ADGRF3: variants seen among roughly 807,000 people sequenced by gnomAD.
The protein encoded by ADGRF3 is G protein-coupled receptor 113.
Under a neutral mutation model 93.2 loss-of-function variants are expected in ADGRF3, and 85 were observed. The ratio of observed to expected loss-of-function variants is 0.91; its 90% CI spans 0.77 to 1.09. The LOEUF (loss-of-function observed/expected upper bound fraction) is 1.09, where lower values mean the gene tolerates loss of function less well. ADGRF3 is among the 50% of genes least tolerant of loss of function. ADGRF3 has a pLI of 0.00. For synonymous variants in ADGRF3, 534 were observed against 532.5 expected (o/e 1.00, Z -0.04); for missense variants, 1,125 against 1,246.2 (o/e 0.90, Z 1.46).
chr2:26,318,880 T>C, intron 1 of ADGRF3: 2 of 1,548,130 alleles, frequency 1.3e-6, no homozygotes, highest in Non-Finnish European at 1.7e-6. Flanking sequence ...ACCTATCCTT[T>C]CATTCCATGC....
In ADGRF3 at chr2:26,314,396, G is replaced by T. The variant is rs766237561; in HGVS notation, c.928+18C>A. 1 of 1,603,802 alleles carries T rather than the reference G, an allele frequency of 6.2e-7. No homozygotes were observed. The highest frequency in any genetic ancestry group is 1.3e-5 in the African/African-American group (1 of 74,768). ...CCCCTGGTCCCTCTGACCCCTGACT[G>T]CTGGCCCCTTCTCATACCTTTGCTG... On this transcript the variant is annotated intron_variant, in intron 6 of 13. Coordinates refer to ENST00000651242, the MANE Select transcript of ADGRF3 (RefSeq NM_001321971.2).
At chr2:26,316,226 A>G (rs1674637971) in intron 4 of ADGRF3, 49 bp downstream of exon 4, 4 of 1,521,886 alleles carry the variant, frequency 2.6e-6, no homozygotes, top group Admixed American at 4.1e-5. Flanking sequence ...CACTGAGAAC[A>G]TTTATTTCAC....
chr2:26,337,766 T>C (rs779188274), intron 1 of ADGRF3, among the ~76,000 whole-genome samples: 1 of 152,206 alleles, frequency 6.6e-6, no homozygotes, highest in Non-Finnish European at 1.5e-5. Flanking sequence ...CTCACACCTA[T>C]AATCCCAGCA....
intron 6 of ADGRF3, 137 bp from the exon 7 acceptor site, chr2:26,314,040 G>A: frequency 9.2e-7 from 1 of 1,085,928 alleles, no homozygotes; most frequent in Admixed American, 2.2e-5. Context: ...AATGATGTGT[G>A]GGCTCCACTT....
At chr2:26,345,111 T>C (rs1476322098) in intron 1 of ADGRF3, among the ~76,000 whole-genome samples, 1 of 152,178 alleles carries the variant, frequency 6.6e-6, no homozygotes, top group Non-Finnish European at 1.5e-5. Flanking sequence ...CCGAGCTTCG[T>C]AACTAAGTGA....
chr2:26,344,088 C>G (rs1676550390), intron 1 of ADGRF3, among the ~76,000 whole-genome samples: 2 of 152,226 alleles, frequency 1.3e-5, no homozygotes, highest in African/African-American at 4.8e-5. Context: ...TTAGCTTGCA[C>G]TGAAGTCACA....
intron 1 of ADGRF3, chr2:26,340,623 G>C (rs1467157622): frequency 6.6e-6 from 1 of 152,226 alleles, no homozygotes; most frequent in East Asian, 1.9e-4. Context: ...TCGCAGAGGT[G>C]ATGCCCCTAC....
At position 26,311,881 on chromosome 2, in the gene ADGRF3, C is replaced by A. The variant is rs548433225; in HGVS notation, c.1643G>T (p.Gly548Val). 2.5e-6 allele frequency: 4 copies of A among 1,613,880 alleles called. No homozygotes were observed. The highest frequency in any genetic ancestry group is 3.4e-6 in the Non-Finnish European group (4 of 1,179,838). ...PNVLLQSQLFGPTFPADYSIS... is the reference protein window; with the variant it reads ...PNVLLQSQLFVPTFPADYSIS... ...GCTGTAGTCAGCAGGAAACGTGGGT[C>A]CAAACAGCTGGCTCTGCAGCAGCAC... Residue 548 changes from glycine to valine, a missense_variant, in exon 10 of 14, where the codon GGA becomes GTA. Physicochemically the swap from Gly to Val is moderately radical, Grantham distance 109. Transcript: ENST00000651242.
At chr2:26,334,556 C>G (rs906779977) in intron 1 of ADGRF3, among the ~76,000 whole-genome samples, 1 of 152,116 alleles carries the variant, frequency 6.6e-6, no homozygotes, top group East Asian at 1.9e-4. Context: ...TCAAAACACC[C>G]CTTTAGCATT....
chr2:26,312,425 G>A (rs558653669), intron 9 of ADGRF3, among the ~76,000 whole-genome samples: 4 of 152,360 alleles, frequency 2.6e-5, no homozygotes, highest in Non-Finnish European at 5.9e-5. Context: ...GCTAGGAATG[G>A]TGACCAGCAG....
rs1479046986 is a variant in ADGRF3, at chr2:26,316,780, A to G, written c.325+132T>C. The G allele has an allele frequency of 4.0e-6, 4 of 997,504 alleles. No homozygotes were observed. The Admixed American group carries it at 1.2e-4, about 29-fold the overall frequency. 61.8% of individuals were successfully genotyped at this position (997,504 alleles called of 1,614,324 possible). A position where few individuals can be genotyped will look rare whatever the true frequency, so the allele number is the denominator to read the frequency against. ...AGGGAGGTGAGGAAGGAGCTGGGCCACGGAGACAGAACCAGGCAGCCCTTC... is the reference window on the plus strand; with the variant it reads ...AGGGAGGTGAGGAAGGAGCTGGGCCGCGGAGACAGAACCAGGCAGCCCTTC... On this transcript the variant is annotated intron_variant, in intron 3 of 13. Transcript: ENST00000651242.
chr2:26,318,112 G>A lies in ADGRF3; in HGVS notation c.115-550C>T, dbSNP rs1001148364. ...GAAGATAGGGGGATGGGGCAGGCAG[G>A]GAAGGGTCTGTCTGGTAGGGAGGTG... On this transcript the variant is annotated intron_variant, in intron 1 of 13. Transcript: ENST00000651242. 2.6e-6 allele frequency: 4 copies of A among 1,544,094 alleles called. No homozygotes were observed. In the African/African-American group the frequency reaches 4.1e-5, roughly 16 times the overall value.
At chr2:26,309,475 C>T (rs771281258) in intron 13 of ADGRF3, 51 bp downstream of exon 13, 256 of 1,590,526 alleles carry the variant, frequency 1.6e-4, no homozygotes, top group African/African-American at 2.0e-4. Context: ...TTTGCCACAC[C>T]GTCCTCAATC....
chr2:26,328,750 C>G (rs1414126386), intron 1 of ADGRF3, among the ~76,000 whole-genome samples: 1 of 152,238 alleles, frequency 6.6e-6, no homozygotes. Context: ...CTGCGCCCAG[C>G]TGCCTTTTTA....
chr2:26,311,245 C>T lies in ADGRF3; in HGVS notation c.2279G>A (p.Gly760Asp). ...CLLAADTCFL[G>D]APFLSPGPRS... ...GGGCCCTGGAGAGAGGAATGGGGCG[C>T]CCAGGAAGCAAGTGTCTGCGGCCAG... The change falls in exon 10 of 14, where the codon GGC becomes GAC. Residue 760 changes from glycine (G) to aspartate (D), a missense_variant. By Grantham distance (94) the Gly-to-Asp change is moderately conservative. Coordinates refer to ENST00000651242, the MANE Select transcript of ADGRF3 (RefSeq NM_001321971.2). 6.2e-7 allele frequency: 1 copy of T among 1,610,530 alleles called. No homozygotes were observed.
intron 9 of ADGRF3, 116 bp from the exon 10 acceptor site, chr2:26,312,190 G>T: frequency 9.7e-7 from 1 of 1,033,310 alleles, no homozygotes; most frequent in Non-Finnish European, 1.4e-6. Flanking sequence ...TGCGACCCAA[G>T]GTTGGAGAGA....
intron 4 of ADGRF3, 117 bp from the exon 5 acceptor site, chr2:26,315,857 C>A: frequency 7.0e-7 from 1 of 1,427,348 alleles, no homozygotes; most frequent in Admixed American, 2.5e-5. Context: ...CCCTCCCTAG[C>A]TTTTTAACTT....
At chr2:26,322,423 C>T (rs1675207527) in intron 1 of ADGRF3, among the ~76,000 whole-genome samples, 1 of 152,074 alleles carries the variant, frequency 6.6e-6, no homozygotes, top group Non-Finnish European at 1.5e-5. Flanking sequence ...ACTTTGAGTT[C>T]ATGACTAATA....
At position 26,308,927 on chromosome 2, in the gene ADGRF3, T is replaced by G; in HGVS notation, c.*159A>C. 1.1e-6 allele frequency: 1 copy of G among 933,158 alleles called. No homozygotes were observed. The highest frequency in any genetic ancestry group is 1.7e-6 in the Non-Finnish European group (1 of 598,888). 57.8% of individuals were successfully genotyped at this position (933,158 alleles called of 1,614,324 possible). A position where few individuals can be genotyped will look rare whatever the true frequency, so the allele number is the denominator to read the frequency against. On this transcript the variant is annotated 3_prime_UTR_variant, in exon 14 of 14. Coordinates refer to ENST00000651242, the MANE Select transcript of ADGRF3 (RefSeq NM_001321971.2). ...TTTAGAAATGAGAAGGGGTGAGCTG[T>G]AAGATAAATGAGTGTCACTAAGGGA...
Sources: gnomAD v4.1 joint callset for allele counts (sites outside exome capture counted in the v4.1 genomes callset) on GRCh38, gnomAD v4.1.1 for gene constraint, MANE v1.5 for transcripts, NCBI Gene and HGNC (gene_info 2026-07-23, HGNC 2026-07-21) for gene names.